ARAP2: variants seen among roughly 807,000 people sequenced by gnomAD.
ARAP2 encodes ArfGAP with RhoGAP domain, ankyrin repeat and PH domain 2, also known as arf-GAP with Rho-GAP domain, ANK repeat and PH domain-containing protein 2.
ARAP2 carries 148 observed loss-of-function variants against 194.5 expected under a neutral mutation model. The ratio of observed to expected loss-of-function variants is 0.76; its 90% CI spans 0.67 to 0.87. The LOEUF (loss-of-function observed/expected upper bound fraction) is 0.87, where lower values mean the gene tolerates loss of function less well. Among genes scored for constraint, ARAP2 ranks in the 40% least tolerant of loss-of-function variants. The pLI, the probability that ARAP2 is intolerant of heterozygous loss-of-function variation, is 0.00. For missense variants in ARAP2, 2,128 were observed against 1,989.7 expected, an observed-to-expected ratio of 1.07 and a Z score of -1.32; for synonymous variants, 695 against 683.5, an observed-to-expected ratio of 1.02 and a Z score of -0.26.
At chr4:36,020,550 G>A (rs1223163921) in intron 5 of ARAP2, among the ~76,000 whole-genome samples, 1 of 152,198 alleles carries the variant, frequency 6.6e-6, no homozygotes, top group African/African-American at 2.4e-5. Flanking sequence ...GTGCTGGGAT[G>A]GGAGGGATGG....
At chr4:36,101,076 C>T (rs2109430996) in intron 27 of ARAP2, among the ~76,000 whole-genome samples, 1 of 152,110 alleles carries the variant, frequency 6.6e-6, no homozygotes, top group East Asian at 1.9e-4. Context: ...ATTTACATTG[C>T]ATTAGGTATT....
At chr4:36,152,264 T>C (rs1731169543) in intron 15 of ARAP2, among the ~76,000 whole-genome samples, 1 of 152,142 alleles carries the variant, frequency 6.6e-6, no homozygotes, top group Non-Finnish European at 1.5e-5. Context: ...CAATTCCTGG[T>C]CAAAGGTGAA....
intron 8 of ARAP2, among the ~76,000 whole-genome samples, chr4:36,183,692 T>C (rs1739821043): frequency 6.6e-6 from 1 of 152,214 alleles, no homozygotes; most frequent in African/African-American, 2.4e-5. Context: ...AATTTCGTAC[T>C]TTGGGAAGTG....
chr4:36,161,077 A>AT (rs1361458790), intron 12 of ARAP2, among the ~76,000 whole-genome samples: 4 of 151,642 alleles, frequency 2.6e-5, no homozygotes, highest in Non-Finnish European at 5.9e-5. Context: ...AAAACAGTAA[A>AT]TTTTTCCAAA....
At chr4:36,175,117 T>C (rs1232462590) in intron 9 of ARAP2, among the ~76,000 whole-genome samples, 1 of 152,224 alleles carries the variant, frequency 6.6e-6, no homozygotes, top group Non-Finnish European at 1.5e-5. Flanking sequence ...CCTTGTTGCA[T>C]GTCACTAAAT....
chr4:36,153,695 G>A (rs916459464), intron 15 of ARAP2, among the ~76,000 whole-genome samples: 5 of 152,184 alleles, frequency 3.3e-5, no homozygotes, highest in East Asian at 3.8e-4. Flanking sequence ...AATGATATGC[G>A]TAATATAGTT....
chr4:36,082,154 TTTC>T, intron 30 of ARAP2, 94 bp downstream of exon 30: 1 of 1,177,196 alleles, frequency 8.5e-7, no homozygotes, highest in Non-Finnish European at 1.2e-6. Context: ...GGCAAAACAC[TTTC>T]CGTCTGTAGT....
chr4:36,205,850 T>C (rs1458253259), intron 6 of ARAP2, among the ~76,000 whole-genome samples: 1 of 152,228 alleles, frequency 6.6e-6, no homozygotes, highest in Admixed American at 6.5e-5. Context: ...AGAATGAAAC[T>C]TTTTTCGTCC....
rs764236173 is a variant in ARAP2 at position 36,210,521 on chromosome 4, C to T, written c.1356G>A (p.Pro452=). The T allele has an allele frequency of 9.3e-6, 15 of 1,613,782 alleles. No homozygotes were observed. The highest frequency in any genetic ancestry group is 1.3e-5 in the African/African-American group (1 of 74,898). The change falls in exon 6 of 33, where the codon CCG becomes CCA. Residue 452 remains proline, a synonymous_variant. Transcript: ENST00000303965. The part of the protein sequence containing the change: ...ILDSVNRHSY[P]LSSTSGNADS... ...CAGCATTTCCACTTGTTGAGCTTAA[C>T]GGATAACTGTGCCTATTAACGGAGT...
chr4:36,038,111 G>C (rs1720243434), intron 5 of ARAP2, among the ~76,000 whole-genome samples: 1 of 152,136 alleles, frequency 6.6e-6, no homozygotes, highest in African/African-American at 2.4e-5. Flanking sequence ...CCTTTGGATG[G>C]CCTGGCATAC....
At chr4:36,087,404 C>A (rs964543870) in intron 28 of ARAP2, among the ~76,000 whole-genome samples, 2 of 152,000 alleles carry the variant, frequency 1.3e-5, no homozygotes, top group Admixed American at 1.3e-4. Flanking sequence ...GACAATAATT[C>A]CACAACTTGA....
rs1553924492 is a variant in ARAP2, at chr4:36,159,438, T to C, written c.2510A>G (p.Asp837Gly). The change falls in exon 14 of 33, where the codon GAT becomes GGT. Residue 837 changes from aspartate to glycine, a missense_variant. By Grantham distance (94) the Asp-to-Gly change is moderately conservative. Transcript: ENST00000303965. Reference protein sequence around the residue: ...ETMALLFSGADVMCATGDPVH... With the variant: ...ETMALLFSGAGVMCATGDPVH... The stretch of plus-strand genomic sequence containing the variant: ...GGGGTCTCCGGTGGCACACATGACA[T>C]CTGCTCCACTGAACAGCAAAGCCAT... 1.2e-6 allele frequency: 2 copies of C among 1,608,876 alleles called. No individual in the cohort carries two copies. Among genetic ancestry groups the C allele is most frequent in the Non-Finnish European group, 1.7e-6 (2 of 1,176,530 alleles).
intron 27 of ARAP2, among the ~76,000 whole-genome samples, chr4:36,093,294 C>T (rs1395798708): frequency 1.3e-5 from 2 of 152,052 alleles, no homozygotes; most frequent in Admixed American, 1.3e-4. Flanking sequence ...ATCTGCACAA[C>T]ACACCCCCAT....
chr4:36,136,944 A>G (rs1435588548), intron 19 of ARAP2, among the ~76,000 whole-genome samples: 1 of 151,664 alleles, frequency 6.6e-6, no homozygotes. Context: ...ACACACACAC[A>G]CACACACACA....
chr4:36,219,948 C>T (rs1748793535), intron 2 of ARAP2, among the ~76,000 whole-genome samples: 2 of 152,138 alleles, frequency 1.3e-5, no homozygotes, highest in South Asian at 2.1e-4. Flanking sequence ...ATGGGCAAAG[C>T]TATACTGTTT....
intron 27 of ARAP2, among the ~76,000 whole-genome samples, chr4:36,101,879 A>G (rs894215462): frequency 8.6e-5 from 13 of 151,992 alleles, no homozygotes; most frequent in Non-Finnish European, 1.9e-4. Context: ...ATCAACCACA[A>G]TAACAATACG....
chr4:36,210,274 G>A (rs1746457830), intron 6 of ARAP2, 116 bp downstream of exon 6: 4 of 907,358 alleles, frequency 4.4e-6, no homozygotes, highest in Non-Finnish European at 6.6e-6. Context: ...TGGCATCTCT[G>A]TGTATGTGTG....
chr4:36,043,842 A>AAC (rs1721327883), intron 5 of ARAP2, among the ~76,000 whole-genome samples: 1 of 36,838 alleles, frequency 2.7e-5, no homozygotes, highest in Non-Finnish European at 5.1e-5. Context: ...AGGGGAGGGG[A>AAC]GGGGGGAGGG....
intron 26 of ARAP2, among the ~76,000 whole-genome samples, chr4:36,113,458 T>C (rs553866558): frequency 6.4e-4 from 97 of 152,106 alleles, no homozygotes; most frequent in African/African-American, 2.2e-3. Flanking sequence ...ATTTTAAACA[T>C]TGAATTTTAA....
Sources: allele counts gnomAD v4.1 joint callset (sites outside exome capture counted in the v4.1 genomes callset), GRCh38; gene constraint gnomAD v4.1.1; transcripts MANE v1.5; gene names NCBI Gene and HGNC (gene_info 2026-07-23, HGNC 2026-07-21).